The following EPB41L3 variants were observed in gnomAD, a reference collection of about 807,000 sequenced individuals.
The protein encoded by EPB41L3 is erythrocyte membrane protein band 4.1 like 3, also known as band 4.1-like protein 3.
Under a neutral mutation model 127.1 loss-of-function variants are expected in EPB41L3, and 57 were observed. That is an observed-to-expected ratio of 0.45 (90% CI 0.36 to 0.56). The LOEUF (loss-of-function observed/expected upper bound fraction) is 0.56, where lower values mean the gene tolerates loss of function less well. Ranked by LOEUF, EPB41L3 falls within the 20% of genes least tolerant of loss-of-function variation. EPB41L3 has a pLI of 0.00. For synonymous variants in EPB41L3, 572 were observed against 549.5 expected, an observed-to-expected ratio of 1.04 and a Z score of -0.57; for missense variants, 1,273 against 1,372.2, an observed-to-expected ratio of 0.93 and a Z score of 1.14.
chr18:5,460,992 A>G (rs1158235560), intron 3 of EPB41L3, among the ~76,000 whole-genome samples: 1 of 152,182 alleles, frequency 6.6e-6, no homozygotes, highest in Non-Finnish European at 1.5e-5. Flanking sequence ...TTCACTTTTG[A>G]AATATTACAT....
chr18:5,400,716 AAGT>A, intron 16 of EPB41L3: 1 of 533,348 alleles, frequency 1.9e-6, no homozygotes, highest in South Asian at 1.9e-5. Flanking sequence ...TATTATCAGA[AAGT>A]AAGTCAATGA....
At chr18:5,462,785 T>C (rs946640666) in intron 3 of EPB41L3, among the ~76,000 whole-genome samples, 1 of 152,238 alleles carries the variant, frequency 6.6e-6, no homozygotes, top group Non-Finnish European at 1.5e-5. Context: ...ATATAAAAGA[T>C]AATGGCTCCC....
intron 3 of EPB41L3, among the ~76,000 whole-genome samples, chr18:5,459,510 T>C (rs1412495102): frequency 1.3e-5 from 2 of 152,142 alleles, no homozygotes; most frequent in Non-Finnish European, 2.9e-5. Flanking sequence ...AACTATAACC[T>C]TGGTAGCTGT....
intron 3 of EPB41L3, among the ~76,000 whole-genome samples, chr18:5,563,738 G>T (rs2094163303): frequency 6.6e-6 from 1 of 152,116 alleles, no homozygotes; most frequent in African/African-American, 2.4e-5. Context: ...AAAGGAGAAG[G>T]GATTGGGGAG....
chr18:5,510,675 G>A (rs2092466562), intron 1 of EPB41L3, among the ~76,000 whole-genome samples: 1 of 152,198 alleles, frequency 6.6e-6, no homozygotes, highest in Admixed American at 6.5e-5. Flanking sequence ...GCACTGTGTA[G>A]CCACTGCCCA....
chr18:5,427,505 A>AAAAC (rs151031708), intron 9 of EPB41L3, among the ~76,000 whole-genome samples: 8,025 of 152,192 alleles, frequency 0.053, 250 homozygotes, highest in African/African-American at 0.072. Context: ...TCTCTGACTT[A>AAAAC]AAACAAACAA....
intron 1 of EPB41L3, among the ~76,000 whole-genome samples, chr18:5,542,477 C>A (rs1276877873): frequency 2.0e-5 from 3 of 150,392 alleles, no homozygotes; most frequent in African/African-American, 7.5e-5. Flanking sequence ...CCACTCCCCA[C>A]CCCCCCTCAA....
At chr18:5,549,683 C>T (rs2093936627) in intron 3 of EPB41L3, among the ~76,000 whole-genome samples, 1 of 152,176 alleles carries the variant, frequency 6.6e-6, no homozygotes, top group South Asian at 2.1e-4. Context: ...GAGTCGGAAG[C>T]TCTGGGGTGG....
chr18:5,628,003 A>C (rs2094941462), intron 1 of EPB41L3, among the ~76,000 whole-genome samples: 1 of 152,206 alleles, frequency 6.6e-6, no homozygotes, highest in Non-Finnish European at 1.5e-5. Flanking sequence ...GAAAGTGAAG[A>C]CGGAGACTCC....
At chr18:5,545,873 C>CTGTG (rs36213569), upstream of EPB41L3, among the ~76,000 whole-genome samples, 1,341 of 146,960 alleles carry the variant, frequency 9.1e-3, 4 homozygotes, top group South Asian at 0.014. Flanking sequence ...CTGTATGACT[C>CTGTG]TGTGTGTGTG....
At chr18:5,527,932 TCTGA>T (rs1390792730) in intron 1 of EPB41L3, among the ~76,000 whole-genome samples, 1 of 152,120 alleles carries the variant, frequency 6.6e-6, no homozygotes, top group Non-Finnish European at 1.5e-5. Flanking sequence ...CGGATCTCAA[TCTGA>T]CTGTTAGACA....
chr18:5,404,369 G>C (rs996476198), intron 16 of EPB41L3, among the ~76,000 whole-genome samples: 1 of 152,212 alleles, frequency 6.6e-6, no homozygotes, highest in African/African-American at 2.4e-5. Context: ...GCTGAAAGCA[G>C]TGAGTATGCC....
rs369852408 is a variant in EPB41L3, at chr18:5,507,277, G to T, written c.-11-18083C>A. ...GCAATCAATCGATATTTAAAACACG[G>T]ATGTTATATCCAGGAAGCATAATAT... On this transcript the variant is annotated intron_variant, in intron 1 of 22. Transcript: ENST00000341928. Among the ~76,000 whole-genome samples, 111 of 152,104 alleles carry T rather than the reference G, an allele frequency of 7.3e-4. 1 individual carries two copies. The highest frequency in any genetic ancestry group is 2.4e-3 in the African/African-American group (99 of 41,476).
intron 2 of EPB41L3, among the ~76,000 whole-genome samples, chr18:5,613,858 G>A (rs1414128324): frequency 6.6e-6 from 1 of 152,164 alleles, no homozygotes; most frequent in Non-Finnish European, 1.5e-5. Context: ...ATGTTAACAT[G>A]AAATGGATTT....
chr18:5,563,515 G>A (rs1307670501), intron 3 of EPB41L3, among the ~76,000 whole-genome samples: 1 of 152,086 alleles, frequency 6.6e-6, no homozygotes, highest in Non-Finnish European at 1.5e-5. Flanking sequence ...TAGTAGAGGT[G>A]GGAAAAAGCA....
intron 5 of EPB41L3, among the ~76,000 whole-genome samples, chr18:5,440,622 T>C (rs1242220367): frequency 1.3e-5 from 2 of 152,196 alleles, no homozygotes; most frequent in South Asian, 2.1e-4. Flanking sequence ...TTATGATAAA[T>C]AGAAAATTAT....
intron 3 of EPB41L3, among the ~76,000 whole-genome samples, chr18:5,566,746 T>TCTATG (rs2094206650): frequency 1.5e-5 from 2 of 132,864 alleles, no homozygotes; most frequent in Non-Finnish European, 3.2e-5. Flanking sequence ...TCTATTCTAT[T>TCTATG]CTATTCTATT....
intron 3 of EPB41L3, among the ~76,000 whole-genome samples, chr18:5,564,074 A>T (rs1196003873): frequency 6.6e-6 from 1 of 152,174 alleles, no homozygotes; most frequent in African/African-American, 2.4e-5. Flanking sequence ...GTACAAAAAG[A>T]AGGGCTCAGA....
chr18:5,612,536 C>T (rs994043414), intron 2 of EPB41L3: 5 of 152,216 alleles, frequency 3.3e-5, no homozygotes, highest in African/African-American at 1.2e-4. Flanking sequence ...TCTCCTTAGT[C>T]CTGATAATGA....
Sources: gnomAD v4.1 joint callset for allele counts (sites outside exome capture counted in the v4.1 genomes callset) on GRCh38, gnomAD v4.1.1 for gene constraint, MANE v1.5 for transcripts, NCBI Gene and HGNC (gene_info 2026-07-23, HGNC 2026-07-21) for gene names.